ARHGAP22: variants seen among roughly 807,000 people sequenced by gnomAD.
ARHGAP22 encodes the protein Rho GTPase activating protein 22.
Under a neutral mutation model 59.1 loss-of-function variants are expected in ARHGAP22, and 48 were observed. The observed-to-expected ratio is 0.81, with a 90% CI of 0.64 to 1.03. The LOEUF (loss-of-function observed/expected upper bound fraction) is 1.03, where lower values mean the gene tolerates loss of function less well. Ranked by LOEUF, ARHGAP22 falls within the 50% of genes least tolerant of loss-of-function variation. The pLI is 0.00. For synonymous variants in ARHGAP22, 445 were observed against 416.4 expected, an observed-to-expected ratio of 1.07 and a Z score of -0.84; for missense variants, 1,015 against 958.7, an observed-to-expected ratio of 1.06 and a Z score of -0.78.
intron 1 of ARHGAP22, among the ~76,000 whole-genome samples, chr10:48,621,633 T>C (rs533434520): frequency 2.6e-4 from 39 of 152,326 alleles, no homozygotes; most frequent in African/African-American, 8.9e-4. Flanking sequence ...TCAGGGCATG[T>C]TGGGGCATGG....
chr10:48,652,589 C>A, exon 1 of ARHGAP22: 1 of 412,734 alleles, frequency 2.4e-6, no homozygotes. Context: ...TAGTGACAAC[C>A]ACTTCACAGA....
intron 3 of ARHGAP22, among the ~76,000 whole-genome samples, chr10:48,530,969 C>G (rs1313995908): frequency 6.6e-6 from 1 of 152,192 alleles, no homozygotes; most frequent in Non-Finnish European, 1.5e-5. Context: ...GATACTTGCA[C>G]ACGCATGTTT....
At chr10:48,639,898 T>C (rs540625695) in intron 1 of ARHGAP22, among the ~76,000 whole-genome samples, 2 of 152,120 alleles carry the variant, frequency 1.3e-5, no homozygotes, top group African/African-American at 2.4e-5. Flanking sequence ...AGATTTTGGA[T>C]TTAACAGAGA....
the ARHGAP22 span, chr10:48,438,102 A>T: frequency 2.0e-5 from 3 of 152,230 alleles, no homozygotes; most frequent in Non-Finnish European, 4.4e-5. Flanking sequence ...AACATAGAAT[A>T]TTTTCAGAAA....
chr10:48,491,768 G>A (rs533735200), intron 3 of ARHGAP22, among the ~76,000 whole-genome samples: 37 of 152,386 alleles, frequency 2.4e-4, no homozygotes, highest in Non-Finnish European at 5.1e-4. Flanking sequence ...GAGGGAAGCA[G>A]TATCACTATT....
Position 48,582,977 on chromosome 10 carries a change from C to T in ARHGAP22, c.210G>A (p.Lys70=). ...CCTGGGGCTTGATCTCATCTTTGTC[C>T]TTGTAGTAGAAAAGCTGATCCCCAC... ...VLRGDQLFYY[K]DKDEIKPQGF... is the part of the protein sequence containing the mutation. Residue 70 remains lysine (K), a synonymous_variant, in exon 2 of 10, where the codon AAG becomes AAA. Coordinates refer to ENST00000249601, the MANE Select transcript of ARHGAP22 (RefSeq NM_021226.4). 1 of 1,614,246 alleles carries T rather than the reference C, an allele frequency of 6.2e-7. No homozygotes were observed. The highest frequency in any genetic ancestry group is 8.5e-7 in the Non-Finnish European group (1 of 1,180,044).
Position 48,446,375 on chromosome 10 carries a change from A to G in ARHGAP22, c.*16T>C. Reference sequence around the variant, plus strand: ...GACCAGCAGACGTGGTACAGAAGTGAGCTCTGCCATTCCTTTTACTTTGGG... The same window carrying G: ...GACCAGCAGACGTGGTACAGAAGTGGGCTCTGCCATTCCTTTTACTTTGGG... On this transcript the variant is annotated 3_prime_UTR_variant, in exon 10 of 10. Transcript: ENST00000249601. The G allele has an allele frequency of 6.2e-7, 1 of 1,613,228 alleles. No individual in the cohort carries two copies.
At chr10:48,650,701 A>G (rs1054857164) in intron 1 of ARHGAP22, among the ~76,000 whole-genome samples, 10 of 152,234 alleles carry the variant, frequency 6.6e-5, no homozygotes, top group African/African-American at 1.2e-4. Context: ...ATTTCATCAT[A>G]GAAATCTGGT....
chr10:48,533,063 C>A (rs1208853475), intron 3 of ARHGAP22: 2 of 152,146 alleles, frequency 1.3e-5, no homozygotes, highest in African/African-American at 4.8e-5. Context: ...AACTGCTTTG[C>A]CTTCTGATAT....
In ARHGAP22 at chr10:48,493,644, C is replaced by A. The variant is rs558336007; in HGVS notation, c.323-13880G>T. 2.1e-4 allele frequency: 304 copies of A among 1,423,370 alleles called. 1 individual carries two copies. Among genetic ancestry groups the A allele is most frequent in the South Asian group, 1.1e-3 (72 of 64,060 alleles). The allele number at this position is 1,423,370 out of a possible 1,614,324, so 88.2% of individuals were successfully genotyped here. On this transcript the variant is annotated intron_variant, in intron 3 of 9. Coordinates refer to ENST00000249601, the MANE Select transcript of ARHGAP22 (RefSeq NM_021226.4). ...TCTGCCTGTGGGCATCAGGCTGAGG[C>A]CTTTTGTCTCTCCTGGGGAACTTCT...
intron 4 of ARHGAP22, chr10:48,479,335 G>A (rs953464765): frequency 2.0e-6 from 1 of 502,252 alleles, no homozygotes; most frequent in Non-Finnish European, 3.5e-6. Flanking sequence ...CTCCCACAGA[G>A]AATGGAGATG....
rs541441906 is a variant in ARHGAP22 at position 48,617,267 on chromosome 10, T to C, written c.53-34115A>G. 5.3e-5 allele frequency among the ~76,000 whole-genome samples: 8 copies of C among 152,112 alleles called. No individual in the cohort carries two copies. The South Asian group carries it at 1.7e-3, about 32-fold the overall frequency. On this transcript the variant is annotated intron_variant, in intron 1 of 9. Coordinates refer to the ARHGAP22 transcript ENST00000435790. Reference sequence around the variant, plus strand: ...ATACAATGATAATTGTGAACTTCAATACTTCAGTCTCAGTGTTAGACAGAT... The same window carrying C: ...ATACAATGATAATTGTGAACTTCAACACTTCAGTCTCAGTGTTAGACAGAT...
At chr10:48,637,126 A>C (rs1399292698) in intron 1 of ARHGAP22, among the ~76,000 whole-genome samples, 1 of 152,228 alleles carries the variant, frequency 6.6e-6, no homozygotes, top group Non-Finnish European at 1.5e-5. Flanking sequence ...GAAGCCAACC[A>C]GGCCTCTAGA....
At chr10:48,447,490 C>T (rs1438914375) in intron 9 of ARHGAP22, among the ~76,000 whole-genome samples, 1 of 152,212 alleles carries the variant, frequency 6.6e-6, no homozygotes, top group Non-Finnish European at 1.5e-5. Flanking sequence ...GTACGTGGTG[C>T]ATGATGAATA....
chr10:48,558,015 CAG>C (rs1002203069), intron 2 of ARHGAP22, among the ~76,000 whole-genome samples: 3 of 152,200 alleles, frequency 2.0e-5, no homozygotes, highest in Non-Finnish European at 2.9e-5. Flanking sequence ...TGTTAAAACA[CAG>C]AGAGTCTGGT....
chr10:48,439,710 A>T, the ARHGAP22 span, among the ~76,000 whole-genome samples: 2 of 152,232 alleles, frequency 1.3e-5, no homozygotes, highest in African/African-American at 4.8e-5. Flanking sequence ...AAGAGGTTTT[A>T]GCTTTGACTG....
At chr10:48,555,442 C>T in intron 3 of ARHGAP22, 21 bp downstream of exon 3, 1 of 1,611,436 alleles carries the variant, frequency 6.2e-7, no homozygotes, top group Non-Finnish European at 8.5e-7. Context: ...GGCTGCAGAG[C>T]TGGAAGGTGC....
At chr10:48,577,207 C>T (rs1316085602) in intron 2 of ARHGAP22, among the ~76,000 whole-genome samples, 1 of 152,064 alleles carries the variant, frequency 6.6e-6, no homozygotes, top group African/African-American at 2.4e-5. Context: ...GGGATCGGTT[C>T]CTCCTCTGAC....
chr10:48,459,730 C>A lies in ARHGAP22; in HGVS notation c.613G>T (p.Asp205Tyr). 6.2e-7 allele frequency: 1 copy of A among 1,614,142 alleles called. No homozygotes were observed. The highest frequency in any genetic ancestry group is 8.5e-7 in the Non-Finnish European group (1 of 1,180,028). Residue 205 changes from aspartate to tyrosine, a missense_variant, in exon 5 of 10, where the codon GAC becomes TAC. Physicochemically the swap from Asp to Tyr is radical, Grantham distance 160. Coordinates refer to ENST00000249601, the MANE Select transcript of ARHGAP22 (RefSeq NM_021226.4). Reference sequence around the variant, plus strand: ...CCACAGTCGAAGGAATCCTGCAGGTCCCTCACCAGGTTGGCCTGGCCTGGC... The same window carrying A: ...CCACAGTCGAAGGAATCCTGCAGGTACCTCACCAGGTTGGCCTGGCCTGGC... The part of the protein sequence containing the change: ...RMPGQANLVR[D>Y]LQDSFDCGEK...
Sources: gnomAD v4.1 joint callset for allele counts (sites outside exome capture counted in the v4.1 genomes callset) on GRCh38, gnomAD v4.1.1 for gene constraint, MANE v1.5 for transcripts, NCBI Gene and HGNC (gene_info 2026-07-23, HGNC 2026-07-21) for gene names.